TMTC1: variants seen among roughly 807,000 people sequenced by gnomAD.
TMTC1 encodes the protein transmembrane O-mannosyltransferase targeting cadherins 1.
Under a neutral mutation model 104.8 loss-of-function variants are expected in TMTC1, and 73 were observed. The observed-to-expected ratio is 0.70, with a 90% CI of 0.58 to 0.85. TMTC1 has a LOEUF of 0.85. Among genes scored for constraint, TMTC1 ranks in the 40% least tolerant of loss-of-function variants. The probability of loss-of-function intolerance (pLI) is 0.00; values close to 1 mark genes in which losing one functional copy is unlikely to be tolerated. For synonymous variants in TMTC1, 434 were observed against 428.7 expected (o/e 1.01, Z -0.15); for missense variants, 1,035 against 1,096.1 (o/e 0.94, Z 0.79).
At chr12:29,643,831 A>ATATATATT (rs1181345005) in intron 5 of TMTC1, among the ~76,000 whole-genome samples, 1 of 70,034 alleles carries the variant, frequency 1.4e-5, no homozygotes, top group Non-Finnish European at 2.5e-5. Context: ...TTATATATTT[A>ATATATATT]TATATATTTA....
chr12:29,559,504 A>G (rs1227738278), intron 9 of TMTC1, among the ~76,000 whole-genome samples: 1 of 152,232 alleles, frequency 6.6e-6, no homozygotes, highest in African/African-American at 2.4e-5. Context: ...TAAAAACAAA[A>G]GCGAATAGTA....
chr12:29,656,686 G>A (rs1455141651), intron 5 of TMTC1, among the ~76,000 whole-genome samples: 1 of 152,176 alleles, frequency 6.6e-6, no homozygotes, highest in African/African-American at 2.4e-5. Context: ...TAATTGAACT[G>A]CCTGAGTTAC....
chr12:29,744,190 T>A (rs190694991), intron 5 of TMTC1, among the ~76,000 whole-genome samples: 1 of 152,310 alleles, frequency 6.6e-6, no homozygotes, highest in East Asian at 1.9e-4. Flanking sequence ...GAGCTTATCA[T>A]CTACTGACTG....
intron 5 of TMTC1, among the ~76,000 whole-genome samples, chr12:29,644,907 A>G (rs1369085419): frequency 6.6e-6 from 1 of 152,124 alleles, no homozygotes; most frequent in Non-Finnish European, 1.5e-5. Flanking sequence ...CAGGTCCCAA[A>G]GCAGACACCA....
intron 5 of TMTC1, among the ~76,000 whole-genome samples, chr12:29,707,746 C>G (rs1220868690): frequency 2.6e-5 from 4 of 152,190 alleles, no homozygotes; most frequent in Non-Finnish European, 5.9e-5. Flanking sequence ...CCACATCCTC[C>G]CGCAGTCTCA....
In TMTC1 at chr12:29,721,108, A is replaced by T. The variant is rs528031853; in HGVS notation, c.938+30558T>A. ...TAAATATACAAAACTAAAGGGGTAT[A>T]TCACTGTCTTACACCTACTTCAGGA... On this transcript the variant is annotated intron_variant, in intron 5 of 17. Coordinates refer to ENST00000539277, the MANE Select transcript of TMTC1 (RefSeq NM_001193451.2). 5.5e-4 allele frequency among the ~76,000 whole-genome samples: 84 copies of T among 152,358 alleles called. 1 individual carries two copies. Among genetic ancestry groups the T allele is most frequent in the African/African-American group, 1.9e-3 (80 of 41,596 alleles).
At chr12:29,650,626 A>G (rs142596593) in intron 5 of TMTC1, among the ~76,000 whole-genome samples, 10 of 152,326 alleles carry the variant, frequency 6.6e-5, no homozygotes, top group African/African-American at 2.4e-4. Flanking sequence ...ACATGACGGT[A>G]TAAATAACTA....
chr12:29,606,388 A>T (rs1946699212), intron 6 of TMTC1, among the ~76,000 whole-genome samples: 1 of 151,956 alleles, frequency 6.6e-6, no homozygotes, highest in Admixed American at 6.6e-5. Flanking sequence ...AATCCTGTAT[A>T]TCAAGAGCAA....
At chr12:29,521,435 C>T (rs922025553) in intron 11 of TMTC1, among the ~76,000 whole-genome samples, 3 of 152,122 alleles carry the variant, frequency 2.0e-5, no homozygotes, top group South Asian at 2.1e-4. Context: ...AGGTTCAGGT[C>T]GATCACCACA....
intron 5 of TMTC1, among the ~76,000 whole-genome samples, chr12:29,681,085 T>A (rs1405618374): frequency 1.2e-4 from 12 of 97,296 alleles, no homozygotes; most frequent in African/African-American, 3.0e-4. Flanking sequence ...GGCAACAGAG[T>A]AAGACCCTGT....
chr12:29,687,596 T>A (rs1941134591), intron 5 of TMTC1, among the ~76,000 whole-genome samples: 2 of 152,242 alleles, frequency 1.3e-5, no homozygotes, highest in Non-Finnish European at 2.9e-5. Flanking sequence ...GTTAACTGAC[T>A]GATTTTGATA....
At chr12:29,776,784 G>C (rs1025394660) in intron 1 of TMTC1, among the ~76,000 whole-genome samples, 3 of 152,156 alleles carry the variant, frequency 2.0e-5, no homozygotes, top group Non-Finnish European at 4.4e-5. Flanking sequence ...GAAGGCCTCC[G>C]GGATGAAGTG....
chr12:29,583,037 G>A (rs1406317974), intron 8 of TMTC1, among the ~76,000 whole-genome samples: 1 of 152,196 alleles, frequency 6.6e-6, no homozygotes. Flanking sequence ...GAAGGATACT[G>A]CATTTCTCTT....
chr12:29,548,842 C>A (rs56119930), intron 10 of TMTC1, among the ~76,000 whole-genome samples: 142,644 of 142,698 alleles, frequency 1, 71,295 homozygotes, highest in Middle Eastern at 1. Context: ...TATCACTTAT[C>A]TAAAATATAT....
At position 29,575,956 on chromosome 12, in the gene TMTC1, T is replaced by C. The variant is rs1259793006; in HGVS notation, c.1419-3738A>G. On this transcript the variant is annotated intron_variant, in intron 8 of 17. Transcript: ENST00000539277. Reference sequence around the variant, plus strand: ...AGCCGTCGTAACAGTTGTGGGGTAATACGTCATCATGGTTTTGATCTGCGT... The same window carrying C: ...AGCCGTCGTAACAGTTGTGGGGTAACACGTCATCATGGTTTTGATCTGCGT... Among the ~76,000 whole-genome samples the C allele has an allele frequency of 5.9e-5, 9 of 152,192 alleles. No individual in the cohort carries two copies. The East Asian group carries it at 1.5e-3, about 26-fold the overall frequency.
At chr12:29,637,470 A>G (rs1351648359) in intron 5 of TMTC1, among the ~76,000 whole-genome samples, 3 of 152,250 alleles carry the variant, frequency 2.0e-5, no homozygotes, top group African/African-American at 4.8e-5. Flanking sequence ...AATATATGGC[A>G]CAGAAAGCCA....
At chr12:29,595,620 C>T (rs754363878) in intron 7 of TMTC1, among the ~76,000 whole-genome samples, 18 of 152,354 alleles carry the variant, frequency 1.2e-4, no homozygotes, top group Non-Finnish European at 1.9e-4. Context: ...CTCTCACATC[C>T]TCTTCTGCCT....
chr12:29,693,390 T>C (rs937593214), intron 5 of TMTC1, among the ~76,000 whole-genome samples: 1 of 139,096 alleles, frequency 7.2e-6, no homozygotes, highest in African/African-American at 2.6e-5. Flanking sequence ...TCCTCTCTTC[T>C]AGCTATTTGA....
intron 10 of TMTC1, among the ~76,000 whole-genome samples, chr12:29,555,289 C>T (rs977915926): frequency 1.3e-5 from 2 of 151,626 alleles, no homozygotes; most frequent in South Asian, 4.2e-4. Flanking sequence ...AGGCACAAGT[C>T]ACCAGGCCCG....
Sources: allele counts gnomAD v4.1 joint callset (sites outside exome capture counted in the v4.1 genomes callset), GRCh38; gene constraint gnomAD v4.1.1; transcripts MANE v1.5; gene names NCBI Gene and HGNC (gene_info 2026-07-23, HGNC 2026-07-21).